SH3D19: variants seen among roughly 807,000 people sequenced by gnomAD.
The protein encoded by SH3D19 is SH3 domain-containing protein 19.
Under a neutral mutation model 112.1 loss-of-function variants are expected in SH3D19, and 58 were observed. The ratio of observed to expected loss-of-function variants is 0.52; its 90% CI spans 0.42 to 0.64. The LOEUF is 0.64. Ranked by LOEUF, SH3D19 falls within the 30% of genes least tolerant of loss-of-function variation. The pLI is 0.00. For missense variants in SH3D19, 1,090 were observed against 1,263.4 expected, an observed-to-expected ratio of 0.86 and a Z score of 2.08; for synonymous variants, 391 against 448.5, an observed-to-expected ratio of 0.87 and a Z score of 1.62.
intron 1 of SH3D19, among the ~76,000 whole-genome samples, chr4:151,323,964 G>GT (rs1730796008): frequency 6.6e-6 from 1 of 152,098 alleles, no homozygotes; most frequent in Non-Finnish European, 1.5e-5. Context: ...TCTTTGTAAA[G>GT]TTTTTTCATT....
chr4:151,297,449 C>A (rs1413766962), intron 1 of SH3D19, among the ~76,000 whole-genome samples: 2 of 152,154 alleles, frequency 1.3e-5, no homozygotes, highest in Non-Finnish European at 2.9e-5. Context: ...AGGATGAGGG[C>A]CTATGGCTCC....
intron 1 of SH3D19, among the ~76,000 whole-genome samples, chr4:151,255,374 CTCACATCCCAGA>C (rs1561405237): frequency 1.3e-5 from 2 of 151,146 alleles, no homozygotes; most frequent in Non-Finnish European, 2.9e-5. Flanking sequence ...AGAGGTGCTC[CTCACATCCCAGA>C]CGGGGCAGCG....
intron 1 of SH3D19, among the ~76,000 whole-genome samples, chr4:151,237,176 T>C (rs1770149860): frequency 6.6e-6 from 1 of 152,134 alleles, no homozygotes; most frequent in Admixed American, 6.5e-5. Flanking sequence ...AATGAACAAC[T>C]CTGGACACGC....
intron 1 of SH3D19, chr4:151,228,155 C>T: frequency 1.8e-6 from 1 of 545,354 alleles, no homozygotes; most frequent in Non-Finnish European, 2.3e-6. Context: ...TAAAATTCAA[C>T]AAAAGACTTG....
At chr4:151,124,006 A>G (rs893930087) in intron 19 of SH3D19, among the ~76,000 whole-genome samples, 1 of 152,174 alleles carries the variant, frequency 6.6e-6, no homozygotes, top group African/African-American at 2.4e-5. Flanking sequence ...TGTTATAAAT[A>G]AGTTCCTTCT....
In SH3D19 at chr4:151,310,580, C is replaced by CT. The variant is rs780496185; in HGVS notation, c.112+14660dup. Reference sequence around the variant, plus strand: ...AGGAAATAAATCACTCTCTCTCTCTCTTTTTTTTTTTTTTAGACTCTTGCT... The same window carrying CT: ...AGGAAATAAATCACTCTCTCTCTCTCTTTTTTTTTTTTTTTAGACTCTTGCT... On this transcript the variant is annotated intron_variant, in intron 1 of 19. Coordinates refer to ENST00000604030, the MANE Select transcript of SH3D19 (RefSeq NM_001378122.1). 9.0e-3 allele frequency among the ~76,000 whole-genome samples: 1,281 copies of CT among 142,116 alleles called. 14 individuals are homozygous for CT. Among genetic ancestry groups the CT allele is most frequent in the African/African-American group, 0.028 (1,084 of 38,988 alleles). The allele number at this position is 142,116 out of a possible 152,430, so 93.2% of individuals were successfully genotyped here.
chr4:151,178,760 T>C (rs1361655294), intron 4 of SH3D19, among the ~76,000 whole-genome samples: 1 of 152,092 alleles, frequency 6.6e-6, no homozygotes, highest in African/African-American at 2.4e-5. Flanking sequence ...TATGAAAACC[T>C]CTCTATCTGA....
chr4:151,236,121 T>C (rs1353244021), intron 1 of SH3D19, among the ~76,000 whole-genome samples: 1 of 152,256 alleles, frequency 6.6e-6, no homozygotes, highest in Admixed American at 6.5e-5. Context: ...TGGTGCCTCC[T>C]CGGCCTCGGC....
intron 13 of SH3D19, among the ~76,000 whole-genome samples, chr4:151,139,527 G>GTCTCTC (rs150271051): frequency 6.6e-6 from 1 of 151,866 alleles, no homozygotes; most frequent in Admixed American, 6.6e-5. Flanking sequence ...GTAAGGGAAA[G>GTCTCTC]TCTCTCTCTC....
intron 1 of SH3D19, among the ~76,000 whole-genome samples, chr4:151,258,635 T>C (rs1199299260): frequency 1.3e-5 from 2 of 152,104 alleles, no homozygotes; most frequent in East Asian, 3.9e-4. Flanking sequence ...GACACCCTGC[T>C]CTCCCAGGAC....
At chr4:151,310,988 A>C (rs1405560746) in intron 1 of SH3D19, among the ~76,000 whole-genome samples, 1 of 149,260 alleles carries the variant, frequency 6.7e-6, no homozygotes, top group Non-Finnish European at 1.5e-5. Context: ...GATAAACAAA[A>C]TGTGGTGTGT....
intron 1 of SH3D19, among the ~76,000 whole-genome samples, chr4:151,249,108 T>G (rs973814058): frequency 2.0e-5 from 3 of 152,240 alleles, no homozygotes; most frequent in African/African-American, 7.2e-5. Flanking sequence ...CTCAAGGGTA[T>G]GTAATTATTG....
intron 9 of SH3D19, among the ~76,000 whole-genome samples, chr4:151,150,924 GT>G (rs907804241): frequency 1.5e-5 from 2 of 137,886 alleles, no homozygotes; most frequent in African/African-American, 2.7e-5. Context: ...CAAAATTTCT[GT>G]TTTTTGGAGG....
intron 2 of SH3D19, among the ~76,000 whole-genome samples, chr4:151,215,837 T>TG (rs960100877): frequency 5.3e-5 from 8 of 152,108 alleles, no homozygotes; most frequent in Non-Finnish European, 1.0e-4. Flanking sequence ...TTTACCTTTT[T>TG]TTTTTTTTGA....
intron 1 of SH3D19, among the ~76,000 whole-genome samples, chr4:151,252,576 A>C (rs975855594): frequency 6.6e-6 from 1 of 152,158 alleles, no homozygotes; most frequent in South Asian, 2.1e-4. Flanking sequence ...TACTCACTCC[A>C]TAGGGGACCT....
chr4:151,138,283 T>C (rs1437333027), intron 13 of SH3D19, among the ~76,000 whole-genome samples: 1 of 152,176 alleles, frequency 6.6e-6, no homozygotes, highest in Admixed American at 6.5e-5. Flanking sequence ...CTTTAGCAAA[T>C]AAGTTTACCC....
intron 2 of SH3D19, among the ~76,000 whole-genome samples, chr4:151,188,709 T>C (rs1338490987): frequency 6.6e-6 from 1 of 152,206 alleles, no homozygotes; most frequent in South Asian, 2.1e-4. Flanking sequence ...AAACATCCTT[T>C]GTCTCTTTTG....
At chr4:151,125,037 G>A (rs748838897) in intron 19 of SH3D19, among the ~76,000 whole-genome samples, 4 of 147,234 alleles carry the variant, frequency 2.7e-5, no homozygotes, top group Middle Eastern at 3.5e-3. Flanking sequence ...GACTCTCAAG[G>A]ACTAAGGCAA....
intron 2 of SH3D19, among the ~76,000 whole-genome samples, chr4:151,198,332 TAA>T (rs372316648): frequency 0.68 from 94,734 of 138,298 alleles, 37,308 homozygotes; most frequent in Non-Finnish European, 0.88. Flanking sequence ...ATATATAATA[TAA>T]AAATATATAT....
Sources: gnomAD v4.1 joint callset for allele counts (sites outside exome capture counted in the v4.1 genomes callset) on GRCh38, gnomAD v4.1.1 for gene constraint, MANE v1.5 for transcripts, NCBI Gene and HGNC (gene_info 2026-07-23, HGNC 2026-07-21) for gene names.